TGM3: variants seen among roughly 807,000 people sequenced by gnomAD.
The protein encoded by TGM3 is protein-glutamine gamma-glutamyltransferase E.
Under a neutral mutation model 73.8 loss-of-function variants are expected in TGM3, and 52 were observed. The observed-to-expected ratio is 0.70, with a 90% CI of 0.56 to 0.89. The LOEUF (loss-of-function observed/expected upper bound fraction) is 0.89, where lower values mean the gene tolerates loss of function less well. Ranked by LOEUF, TGM3 falls within the 40% of genes least tolerant of loss-of-function variation. TGM3 has a pLI of 0.00. For synonymous variants in TGM3, 372 were observed against 354.9 expected, an observed-to-expected ratio of 1.05 and a Z score of -0.54; for missense variants, 928 against 909.9, an observed-to-expected ratio of 1.02 and a Z score of -0.26.
At chr20:2,298,898 G>A (rs2084126443) in intron 1 of TGM3, among the ~76,000 whole-genome samples, 1 of 152,132 alleles carries the variant, frequency 6.6e-6, no homozygotes, top group Non-Finnish European at 1.5e-5. Context: ...AGGACCAGCT[G>A]CCTCCTGTCT....
intron 9 of TGM3, among the ~76,000 whole-genome samples, chr20:2,331,093 T>G (rs932219211): frequency 1.3e-5 from 2 of 151,606 alleles, no homozygotes; most frequent in African/African-American, 4.8e-5. Context: ...CACAGGTTGT[T>G]GGGGAAGGTG....
At position 2,325,758 on chromosome 20, in the gene TGM3, T is replaced by C. The variant is rs2084283625; in HGVS notation, c.984-91T>C. On this transcript the variant is annotated intron_variant, in intron 7 of 12. Coordinates refer to ENST00000381458, the MANE Select transcript of TGM3 (RefSeq NM_003245.4). ...CAAACTCACTCGATGCATGTTGTCA[T>C]GCTGCACTGTTGGGGCAAAGATGTG... 5.6e-6 allele frequency: 5 copies of C among 895,132 alleles called. No individual in the cohort carries two copies. The South Asian group carries it at 7.2e-5, about 13-fold the overall frequency. The allele number at this position is 895,132 out of a possible 1,614,324, so 55.4% of individuals were successfully genotyped here. A position where few individuals can be genotyped will look rare whatever the true frequency, so the allele number is the denominator to read the frequency against.
At chr20:2,323,087 T>C (rs1447280742) in intron 7 of TGM3, among the ~76,000 whole-genome samples, 1 of 152,168 alleles carries the variant, frequency 6.6e-6, no homozygotes, top group Non-Finnish European at 1.5e-5. Context: ...TTTCCATAGG[T>C]TTTTGGGGAA....
chr20:2,304,371 G>A (rs1224896645), intron 1 of TGM3, among the ~76,000 whole-genome samples: 1 of 152,194 alleles, frequency 6.6e-6, no homozygotes, highest in Non-Finnish European at 1.5e-5. Flanking sequence ...TCAGCTGGCA[G>A]CCCCTACTCA....
Position 2,309,678 on chromosome 20 carries a change from A to G in TGM3, c.29A>G (p.Asn10Ser), listed in dbSNP as rs777867139. 1.9e-5 allele frequency: 30 copies of G among 1,613,984 alleles called. No individual in the cohort carries two copies. The highest frequency in any genetic ancestry group is 2.4e-5 in the Non-Finnish European group (28 of 1,180,028). ...ACAGCTCTAGGAGTCCAGAGTATCAACTGGCAGACGGCCTTCAACCGACAA... is the reference window on the plus strand; with the variant it reads ...ACAGCTCTAGGAGTCCAGAGTATCAGCTGGCAGACGGCCTTCAACCGACAA... MAALGVQSI[N>S]WQTAFNRQAH... is the part of the protein sequence containing the mutation. The change falls in exon 2 of 13, where the codon AAC becomes AGC. Residue 10 changes from asparagine (N) to serine (S), a missense_variant. Physicochemically the swap from Asn to Ser is conservative, Grantham distance 46. Coordinates refer to ENST00000381458, the MANE Select transcript of TGM3 (RefSeq NM_003245.4).
chr20:2,310,448 C>T, intron 3 of TGM3, 31 bp downstream of exon 3: 2 of 1,606,540 alleles, frequency 1.2e-6, no homozygotes, highest in Non-Finnish European at 1.7e-6. Flanking sequence ...ACTCTCAGCC[C>T]TGGCCTAAGC....
chr20:2,321,947 A>AT (rs45573639), intron 7 of TGM3, among the ~76,000 whole-genome samples: 384 of 147,828 alleles, frequency 2.6e-3, no homozygotes, highest in Non-Finnish European at 4.1e-3. Flanking sequence ...CTACTTATCA[A>AT]TTTTTTTTTT....
rs891114369 is a variant in TGM3 at position 2,334,761 on chromosome 20, T to C, written c.1643-355T>C. Among the ~76,000 whole-genome samples, 11 of 151,976 alleles carry C rather than the reference T, an allele frequency of 7.2e-5. No homozygotes were observed. The highest frequency in any genetic ancestry group is 2.7e-4 in the African/African-American group (11 of 41,376). On this transcript the variant is annotated intron_variant, in intron 10 of 12. Transcript: ENST00000381458. The surrounding 1 kb of genome is among the most constrained non-coding windows in gnomAD (Gnocchi z 4.0). ...GAGTTTGAGACCAGCCTGGACAACA[T>C]AGAGAGACCCCATCTCTACAAATAA...
At chr20:2,310,833 C>T (rs1394740358) in intron 3 of TGM3, among the ~76,000 whole-genome samples, 178 bp from the exon 4 acceptor site, 1 of 152,148 alleles carries the variant, frequency 6.6e-6, no homozygotes, top group East Asian at 1.9e-4. Flanking sequence ...GCTTCTCTTT[C>T]CAGCTCATAG....
chr20:2,306,197 G>A (rs527279447), intron 1 of TGM3, among the ~76,000 whole-genome samples: 1 of 152,344 alleles, frequency 6.6e-6, no homozygotes, highest in South Asian at 2.1e-4. Flanking sequence ...GTGCCAGCAA[G>A]AGATGCTGAG....
intron 1 of TGM3, among the ~76,000 whole-genome samples, chr20:2,297,497 C>A (rs45454099): frequency 1.3e-5 from 2 of 152,162 alleles, no homozygotes; most frequent in Admixed American, 1.3e-4. Flanking sequence ...GTGCCCAGCC[C>A]CCAGGAATGT....
chr20:2,313,651 A>AGT (rs2084218637), intron 5 of TGM3, among the ~76,000 whole-genome samples: 1 of 150,102 alleles, frequency 6.7e-6, no homozygotes, highest in East Asian at 2.0e-4. Context: ...AATCACACAC[A>AGT]CTCTCTCTCT....
intron 7 of TGM3, among the ~76,000 whole-genome samples, chr20:2,324,955 C>T (rs1475818232): frequency 1.3e-5 from 2 of 152,174 alleles, no homozygotes; most frequent in Non-Finnish European, 2.9e-5. Flanking sequence ...ACACCAGAAA[C>T]AGAACTACAG....
chr20:2,302,458 C>T (rs1362432388), intron 1 of TGM3, among the ~76,000 whole-genome samples: 1 of 152,100 alleles, frequency 6.6e-6, no homozygotes. Flanking sequence ...AAAAATAAGA[C>T]AGAAGCTTAT....
At chr20:2,321,925 A>G (rs907364256) in intron 7 of TGM3, among the ~76,000 whole-genome samples, 1 of 152,208 alleles carries the variant, frequency 6.6e-6, no homozygotes, top group African/African-American at 2.4e-5. Flanking sequence ...GCAAGCAAGT[A>G]TTAAAATACA....
At position 2,309,756 on chromosome 20, in the gene TGM3, A is replaced by T; in HGVS notation, c.107A>T (p.Gln36Leu). ...SSQELILRRG[Q>L]NFQVLMIMNK... ...CAGGAGCTCATCTTGCGGAGAGGCC[A>T]AAACTTCCAGGTCTTAATGATCATG... Residue 36 changes from glutamine to leucine, a missense_variant, in exon 2 of 13, where the codon CAA becomes CTA. Transcript: ENST00000381458. The T allele has an allele frequency of 1.2e-6, 2 of 1,614,222 alleles. No individual in the cohort carries two copies. The highest frequency in any genetic ancestry group is 1.7e-6 in the Non-Finnish European group (2 of 1,180,028).
chr20:2,318,005 T>C (rs2084244708), intron 7 of TGM3, among the ~76,000 whole-genome samples: 1 of 150,526 alleles, frequency 6.6e-6, no homozygotes, highest in Non-Finnish European at 1.5e-5. Context: ...CAGAGTTTAT[T>C]CTGGATTCCG....
chr20:2,335,600 C>T (rs992805772), intron 11 of TGM3, among the ~76,000 whole-genome samples: 2 of 152,242 alleles, frequency 1.3e-5, no homozygotes, highest in African/African-American at 4.8e-5. Context: ...TCCCTTCTCA[C>T]TCAGCTACTG....
At chr20:2,310,787 C>G (rs1249590126) in intron 3 of TGM3, among the ~76,000 whole-genome samples, 2 of 152,092 alleles carry the variant, frequency 1.3e-5, no homozygotes, top group African/African-American at 4.8e-5. Context: ...GTGTCTTATC[C>G]CTGGGGTCTC....
Sources: allele counts gnomAD v4.1 joint callset (sites outside exome capture counted in the v4.1 genomes callset), GRCh38; gene constraint gnomAD v4.1.1; non-coding constraint Gnocchi (gnomAD v3.1); transcripts MANE v1.5; gene names NCBI Gene and HGNC (gene_info 2026-07-23, HGNC 2026-07-21).